Variants in SIPA1L1 observed in about 807,000 individuals in gnomAD.
The protein encoded by SIPA1L1 is signal-induced proliferation-associated 1-like protein 1.
SIPA1L1 carries 26 observed loss-of-function variants against 162.7 expected under a neutral mutation model. The observed-to-expected ratio is 0.16, with a 90% CI of 0.12 to 0.22. The LOEUF (loss-of-function observed/expected upper bound fraction) is 0.22. Among genes scored for constraint, SIPA1L1 ranks in the 10% least tolerant of loss-of-function variants. The pLI, the probability that SIPA1L1 is intolerant of heterozygous loss-of-function variation, is 1.00. For synonymous variants in SIPA1L1, 829 were observed against 837.4 expected, an observed-to-expected ratio of 0.99 and a Z score of 0.17; for missense variants, 1,874 against 2,241.0, an observed-to-expected ratio of 0.84 and a Z score of 3.31.
chr14:71,443,131 C>T lies in SIPA1L1; in HGVS notation c.-464-69612C>T, dbSNP rs139364549. Among the ~76,000 whole-genome samples, 311 of 152,260 alleles carry T rather than the reference C, an allele frequency of 2.0e-3. 1 individual carries two copies. Among genetic ancestry groups the T allele is most frequent in the African/African-American group, 7.4e-3 (306 of 41,540 alleles). The stretch of plus-strand genomic sequence containing the variant: ...GTTAGGGAGGTAAACTTTGTGCTTA[C>T]AGTGCCTGTGTTCAAAATGTCCTGA... On this transcript the variant is annotated intron_variant, in intron 2 of 23. Coordinates refer to ENST00000381232, the MANE Select transcript of SIPA1L1 (RefSeq NM_001386936.1).
intron 13 of SIPA1L1, among the ~76,000 whole-genome samples, chr14:71,685,996 G>A (rs374656201): frequency 1.9e-4 from 29 of 152,244 alleles, no homozygotes; most frequent in East Asian, 1.4e-3. Flanking sequence ...ATTTTGTTCC[G>A]AAATGATGAT....
Position 71,671,613 on chromosome 14 carries a change from T to G in SIPA1L1, c.2750T>G (p.Phe917Cys). Reference sequence around the variant, plus strand: ...TCAACTGACACCAGCCTCAAAATCTTCTATGAACGAGGAGAATGTGTTTCA... The same window carrying G: ...TCAACTGACACCAGCCTCAAAATCTGCTATGAACGAGGAGAATGTGTTTCA... ...WTSTDTSLKI[F>C]YERGECVSVG... Residue 917 changes from phenylalanine (F) to cysteine (C), a missense_variant, in exon 11 of 24, where the codon TTC becomes TGC. Around this residue, in one of 5 missense-constraint regions of SIPA1L1, gnomAD observed 243 missense variants for 315.0 expected, o/e 0.77. Transcript: ENST00000381232. 2 of 1,614,146 alleles carry G rather than the reference T, an allele frequency of 1.2e-6. No individual in the cohort carries two copies. Among genetic ancestry groups the G allele is most frequent in the Non-Finnish European group, 1.7e-6 (2 of 1,180,006 alleles).
chr14:71,730,340 G>A, intron 20 of SIPA1L1, 39 bp downstream of exon 20: 1 of 1,605,818 alleles, frequency 6.2e-7, no homozygotes, highest in Non-Finnish European at 8.5e-7. Context: ...TGGCCCTGTT[G>A]ATGATGGTCA....
At chr14:71,531,309 T>C (rs1299010819) in intron 4 of SIPA1L1, among the ~76,000 whole-genome samples, 1 of 152,102 alleles carries the variant, frequency 6.6e-6, no homozygotes, top group Non-Finnish European at 1.5e-5. Context: ...TCTTTTTTTT[T>C]TTTTTCTAAA....
intron 7 of SIPA1L1, among the ~76,000 whole-genome samples, chr14:71,648,169 A>G (rs1048257448): frequency 1.3e-5 from 2 of 152,146 alleles, no homozygotes; most frequent in Admixed American, 6.5e-5. Flanking sequence ...GCATGCCTGT[A>G]ATACCAGCTA....
intron 8 of SIPA1L1, among the ~76,000 whole-genome samples, chr14:71,651,610 G>A (rs2042624715): frequency 6.6e-6 from 1 of 152,080 alleles, no homozygotes; most frequent in Admixed American, 6.5e-5. Context: ...ATATTCACCT[G>A]GTACAGTTCA....
intron 15 of SIPA1L1, among the ~76,000 whole-genome samples, chr14:71,703,668 T>C (rs958646455): frequency 6.6e-6 from 1 of 152,208 alleles, no homozygotes; most frequent in Non-Finnish European, 1.5e-5. Flanking sequence ...TAACGACACA[T>C]GTGAAAAGGA....
rs192406496 is a variant in SIPA1L1, at chr14:71,694,460, A to G, written c.3375-4521A>G. Among the ~76,000 whole-genome samples the G allele has an allele frequency of 2.0e-5, 3 of 152,262 alleles. No individual in the cohort carries two copies. In the East Asian group the frequency reaches 5.8e-4, roughly 29 times the overall value. On this transcript the variant is annotated intron_variant, in intron 13 of 23. Coordinates refer to ENST00000381232, the MANE Select transcript of SIPA1L1 (RefSeq NM_001386936.1). ...GTAATGTCTCTGGATGGTGATGATC[A>G]TGACTTTTTCAATTGCGCATTCTTA...
chr14:71,394,800 G>T (rs1157671824), intron 2 of SIPA1L1, among the ~76,000 whole-genome samples: 1 of 152,234 alleles, frequency 6.6e-6, no homozygotes, highest in African/African-American at 2.4e-5. Flanking sequence ...ACCTGCTACT[G>T]ACTTCGCCTG....
At chr14:71,708,015 GT>G (rs34838057) in intron 16 of SIPA1L1, among the ~76,000 whole-genome samples, 63,197 of 100,100 alleles carry the variant, frequency 0.63, 17,687 homozygotes, top group East Asian at 0.81. Flanking sequence ...GTTTTTTGGT[GT>G]TTTTTTTTTT....
chr14:71,529,672 A>G (rs1234780972), intron 4 of SIPA1L1, among the ~76,000 whole-genome samples: 1 of 152,176 alleles, frequency 6.6e-6, no homozygotes, highest in Non-Finnish European at 1.5e-5. Context: ...TCCTCATGTT[A>G]TGGGGTTGAA....
At chr14:71,402,599 T>G (rs536379306) in intron 2 of SIPA1L1, among the ~76,000 whole-genome samples, 48 of 152,278 alleles carry the variant, frequency 3.2e-4, no homozygotes, top group African/African-American at 1.1e-3. Flanking sequence ...TCTGCCCGCC[T>G]TGGCCTCTCA....
intron 2 of SIPA1L1, among the ~76,000 whole-genome samples, chr14:71,392,294 G>A (rs929533599): frequency 3.9e-5 from 6 of 152,134 alleles, no homozygotes; most frequent in African/African-American, 1.4e-4. Flanking sequence ...TCTGTTGATC[G>A]CTTTCTTCTC....
chr14:71,427,211 G>A (rs2043631560), intron 2 of SIPA1L1, among the ~76,000 whole-genome samples: 1 of 150,970 alleles, frequency 6.6e-6, no homozygotes, highest in African/African-American at 2.4e-5. Flanking sequence ...TGCAAGACGG[G>A]TCTAATGGTA....
At chr14:71,376,952 A>G (rs2039428796) in intron 2 of SIPA1L1, among the ~76,000 whole-genome samples, 1 of 152,200 alleles carries the variant, frequency 6.6e-6, no homozygotes, top group Non-Finnish European at 1.5e-5. Flanking sequence ...CAGACACAGT[A>G]ACAATCTGAT....
At chr14:71,714,585 CT>C (rs34342241) in intron 17 of SIPA1L1, among the ~76,000 whole-genome samples, 105,276 of 149,608 alleles carry the variant, frequency 0.7, 38,861 homozygotes, top group East Asian at 0.94. Flanking sequence ...GCTTTTCTCT[CT>C]TTTTTTTTTT....
intron 2 of SIPA1L1, among the ~76,000 whole-genome samples, chr14:71,347,924 T>A (rs758384104): frequency 2.0e-5 from 3 of 152,226 alleles, no homozygotes; most frequent in Non-Finnish European, 2.9e-5. Context: ...TGTTTCACTC[T>A]GTGGGTTGTC....
chr14:71,686,152 G>A (rs2046274439), intron 13 of SIPA1L1, among the ~76,000 whole-genome samples: 1 of 152,208 alleles, frequency 6.6e-6, no homozygotes, highest in South Asian at 2.1e-4. Flanking sequence ...AAGAGAAGAC[G>A]ATACGTGGAG....
At position 71,618,163 on chromosome 14, in the gene SIPA1L1, G is replaced by T. The variant is rs183275305; in HGVS notation, c.1499-594G>T. 1.6e-3 allele frequency among the ~76,000 whole-genome samples: 247 copies of T among 152,300 alleles called. 1 individual carries two copies. The highest frequency in any genetic ancestry group is 5.2e-3 in the African/African-American group (215 of 41,568). ...ACAAGTTACATTAGCCCTGCACTGT[G>T]GGATACCGTGCTATGGCCCAGAGCC... On this transcript the variant is annotated intron_variant, in intron 5 of 23. Transcript: ENST00000381232.
Sources: allele counts gnomAD v4.1 joint callset (sites outside exome capture counted in the v4.1 genomes callset), GRCh38; gene constraint gnomAD v4.1.1; regional missense constraint gnomAD v4.1.1; transcripts MANE v1.5; gene names NCBI Gene and HGNC (gene_info 2026-07-23, HGNC 2026-07-21).